The following SGCZ variants were observed in gnomAD, a reference collection of about 807,000 sequenced individuals.
SGCZ encodes the protein zeta-sarcoglycan.
In SGCZ, 40 loss-of-function variants were observed where a neutral mutation model predicts 41.3. That is an observed-to-expected ratio of 0.97 (90% CI 0.75 to 1.26). The LOEUF (loss-of-function observed/expected upper bound fraction) is 1.26. Ranked by LOEUF, SGCZ falls within the 50% of genes most tolerant of loss-of-function variation. SGCZ has a pLI of 0.00. For missense variants in SGCZ, 552 were observed against 369.8 expected (o/e 1.49, Z -4.04); for synonymous variants, 206 against 137.5 (o/e 1.50, Z -3.49).
Position 14,305,057 on chromosome 8 carries a change from T to C in SGCZ, c.336+19046A>G, listed in dbSNP as rs560265941. 7.9e-5 allele frequency among the ~76,000 whole-genome samples: 12 copies of C among 152,308 alleles called. No individual in the cohort carries two copies. The East Asian group carries it at 2.3e-3, about 29-fold the overall frequency. On this transcript the variant is annotated intron_variant, in intron 3 of 7. Coordinates refer to ENST00000382080, the MANE Select transcript of SGCZ (RefSeq NM_139167.4). ...AAACAGCATACATGGGGCATTACAA[T>C]AGTATTGCTTAACTTACAGTGTTTT...
chr8:14,780,838 T>G (rs1800567536), intron 1 of SGCZ, among the ~76,000 whole-genome samples: 1 of 152,200 alleles, frequency 6.6e-6, no homozygotes, highest in Non-Finnish European at 1.5e-5. Flanking sequence ...GAATGATTTT[T>G]TCTTTTGGAA....
At chr8:14,379,454 G>A (rs948210510) in intron 2 of SGCZ, among the ~76,000 whole-genome samples, 4 of 152,040 alleles carry the variant, frequency 2.6e-5, no homozygotes, top group African/African-American at 7.2e-5. Context: ...ACTATAAAGC[G>A]CTACTCTAAG....
rs1159810102 is a variant in SGCZ, at chr8:14,365,896, A to G, written c.235-41692T>C. 2.6e-5 allele frequency among the ~76,000 whole-genome samples: 4 copies of G among 151,924 alleles called. No homozygotes were observed. The East Asian group carries it at 7.7e-4, about 29-fold the overall frequency. On this transcript the variant is annotated intron_variant, in intron 2 of 7. Transcript: ENST00000382080. ...TTGATACCTGATACTGCTGTTCTGT[A>G]TTTTTCTCTATTATTTCTTCACCAA...
chr8:14,473,869 C>T (rs1392660459), intron 2 of SGCZ, among the ~76,000 whole-genome samples: 1 of 148,746 alleles, frequency 6.7e-6, no homozygotes, highest in African/African-American at 2.5e-5. Context: ...ACTCAGGAGA[C>T]AGAGCTTGCA....
chr8:14,100,159 CTGTACTTTT>C (rs1192665075), intron 7 of SGCZ, among the ~76,000 whole-genome samples: 1 of 151,688 alleles, frequency 6.6e-6, no homozygotes, highest in Non-Finnish European at 1.5e-5. Context: ...CTGTGCCTTT[CTGTACTTTT>C]ATTTTGTTAC....
At chr8:14,319,670 G>C (rs1326953020) in intron 3 of SGCZ, among the ~76,000 whole-genome samples, 2 of 152,104 alleles carry the variant, frequency 1.3e-5, no homozygotes, top group African/African-American at 4.8e-5. Flanking sequence ...TTTATATGTA[G>C]AATCAAGACC....
At chr8:14,380,435 A>T (rs1804316807) in intron 2 of SGCZ, among the ~76,000 whole-genome samples, 1 of 151,976 alleles carries the variant, frequency 6.6e-6, no homozygotes, top group Non-Finnish European at 1.5e-5. Context: ...ATGAAAGGTT[A>T]TCAAAATATG....
At chr8:14,432,893 A>G in intron 2 of SGCZ, among the ~76,000 whole-genome samples, 1 of 130,578 alleles carries the variant, frequency 7.7e-6, no homozygotes. Flanking sequence ...CAGCCTGGGC[A>G]AAAGAGTGAG....
At chr8:14,531,735 G>C (rs906165490) in intron 2 of SGCZ, among the ~76,000 whole-genome samples, 2 of 151,868 alleles carry the variant, frequency 1.3e-5, no homozygotes, top group Non-Finnish European at 2.9e-5. Context: ...TTCCCTACTA[G>C]TTTATTTTCT....
At chr8:14,524,914 A>C (rs571686037) in intron 2 of SGCZ, among the ~76,000 whole-genome samples, 5 of 152,194 alleles carry the variant, frequency 3.3e-5, no homozygotes, top group African/African-American at 9.6e-5. Context: ...TCTGCTCCAA[A>C]TTCTGGGTCC....
At chr8:15,135,118 C>A (rs1808058414) in intron 1 of SGCZ, among the ~76,000 whole-genome samples, 1 of 152,092 alleles carries the variant, frequency 6.6e-6, no homozygotes, top group Non-Finnish European at 1.5e-5. Context: ...TTATATGCAA[C>A]TTTATTTCTT....
intron 1 of SGCZ, among the ~76,000 whole-genome samples, chr8:14,697,358 G>T (rs1474017154): frequency 1.3e-5 from 2 of 151,848 alleles, no homozygotes; most frequent in Admixed American, 1.3e-4. Flanking sequence ...ATTGTTGAGG[G>T]GATTAAATGA....
chr8:15,132,986 A>T (rs1278354773), intron 1 of SGCZ, among the ~76,000 whole-genome samples: 1 of 152,050 alleles, frequency 6.6e-6, no homozygotes, highest in East Asian at 1.9e-4. Flanking sequence ...CAAAGAACAC[A>T]AATAAAATTA....
chr8:14,563,317 A>C (rs1233034295), intron 1 of SGCZ, among the ~76,000 whole-genome samples: 2 of 152,230 alleles, frequency 1.3e-5, no homozygotes, highest in Non-Finnish European at 2.9e-5. Flanking sequence ...AAGTGGAAGA[A>C]GGAGGGCATA....
chr8:14,210,167 C>T (rs1209555183), intron 4 of SGCZ, among the ~76,000 whole-genome samples: 11 of 152,146 alleles, frequency 7.2e-5, no homozygotes, highest in Non-Finnish European at 1.0e-4. Context: ...AAGCAATTCT[C>T]CTGCCTCAGC....
At chr8:14,277,118 A>G (rs532420245) in intron 3 of SGCZ, among the ~76,000 whole-genome samples, 9 of 152,318 alleles carry the variant, frequency 5.9e-5, no homozygotes, top group South Asian at 2.1e-4. Flanking sequence ...CACTAATAAC[A>G]TAACTATTTC....
intron 1 of SGCZ, among the ~76,000 whole-genome samples, chr8:14,787,720 C>G (rs1436890598): frequency 6.6e-6 from 1 of 152,058 alleles, no homozygotes; most frequent in Non-Finnish European, 1.5e-5. Context: ...GTGGCACACG[C>G]CTGTGATCCC....
chr8:14,626,640 A>C (rs1229638695), intron 1 of SGCZ, among the ~76,000 whole-genome samples: 4 of 152,194 alleles, frequency 2.6e-5, no homozygotes, highest in African/African-American at 9.6e-5. Context: ...AAATTTGAAC[A>C]TGAAGATGAA....
chr8:14,274,345 C>T (rs768397518), intron 3 of SGCZ, among the ~76,000 whole-genome samples: 22 of 152,168 alleles, frequency 1.4e-4, no homozygotes, highest in East Asian at 3.9e-4. Context: ...TTATTATTAA[C>T]GCTGCACTTA....
Sources: gnomAD v4.1 joint callset for allele counts (sites outside exome capture counted in the v4.1 genomes callset) on GRCh38, gnomAD v4.1.1 for gene constraint, MANE v1.5 for transcripts, NCBI Gene and HGNC (gene_info 2026-07-23, HGNC 2026-07-21) for gene names.